The following KYNU variants were observed in gnomAD, a reference collection of about 807,000 sequenced individuals.
KYNU encodes the protein kynureninase, also known as L-kynurenine hydrolase.
In KYNU, 54 loss-of-function variants were observed where a neutral mutation model predicts 59.2. The observed-to-expected ratio is 0.91, with a 90% CI of 0.73 to 1.14. KYNU has a LOEUF of 1.14. Among genes scored for constraint, KYNU ranks in the 50% most tolerant of loss-of-function variants. KYNU has a pLI of 0.00. For synonymous variants in KYNU, 177 were observed against 192.0 expected, an observed-to-expected ratio of 0.92 and a Z score of 0.65; for missense variants, 567 against 554.4, an observed-to-expected ratio of 1.02 and a Z score of -0.23.
At chr2:143,039,216 T>C (rs144818194) in intron 12 of KYNU, among the ~76,000 whole-genome samples, 3 of 152,294 alleles carry the variant, frequency 2.0e-5, no homozygotes, top group East Asian at 1.9e-4. Context: ...TTATTTGCTT[T>C]CCTCTCTGAG....
chr2:142,936,092 AG>A (rs1683382818), intron 4 of KYNU, among the ~76,000 whole-genome samples: 1 of 152,160 alleles, frequency 6.6e-6, no homozygotes, highest in South Asian at 2.1e-4. Flanking sequence ...GGATTGAATG[AG>A]GAAAAAGAGG....
At chr2:142,983,865 C>T (rs1049646032) in intron 8 of KYNU, among the ~76,000 whole-genome samples, 1 of 152,000 alleles carries the variant, frequency 6.6e-6, no homozygotes, top group Non-Finnish European at 1.5e-5. Flanking sequence ...CGTATTAGCA[C>T]CTGACTTAAT....
At chr2:142,970,049 A>T (rs954124959) in intron 8 of KYNU, among the ~76,000 whole-genome samples, 1 of 152,218 alleles carries the variant, frequency 6.6e-6, no homozygotes, top group African/African-American at 2.4e-5. Flanking sequence ...GCTATGTCTC[A>T]TGGCAATAAA....
At chr2:142,887,168 TCAACAA>T (rs78289913) in intron 2 of KYNU, among the ~76,000 whole-genome samples, 2 of 150,462 alleles carry the variant, frequency 1.3e-5, no homozygotes, top group African/African-American at 2.4e-5. Context: ...AGGCTCCATC[TCAACAA>T]CAACAACAAC....
chr2:142,930,630 G>A (rs542328192), intron 4 of KYNU, among the ~76,000 whole-genome samples: 28 of 152,182 alleles, frequency 1.8e-4, no homozygotes, highest in African/African-American at 5.5e-4. Context: ...GTGTACTGGA[G>A]GAAACAGTTC....
At position 143,043,164 on chromosome 2, in the gene KYNU, A is replaced by G. The variant is rs577624558; in HGVS notation, c.*992A>G. On this transcript the variant is annotated 3_prime_UTR_variant, in exon 14 of 14. Transcript: ENST00000264170. Reference sequence around the variant, plus strand: ...CTTCCCCTAATATAAGAGCTTAGATATTATATTACTATGTTTCCATAGTAA... The same window carrying G: ...CTTCCCCTAATATAAGAGCTTAGATGTTATATTACTATGTTTCCATAGTAA... 2.2e-4 allele frequency: 33 copies of G among 152,070 alleles called. No homozygotes were observed. The highest frequency in any genetic ancestry group is 7.5e-4 in the African/African-American group (31 of 41,520). 9.4% of individuals were successfully genotyped at this position (152,070 alleles called of 1,614,324 possible). A position where few individuals can be genotyped will look rare whatever the true frequency, so the allele number is the denominator to read the frequency against.
rs535341574 is a variant in KYNU, at chr2:142,946,289, G to T, written c.374-8521G>T. 3.3e-5 allele frequency among the ~76,000 whole-genome samples: 5 copies of T among 151,920 alleles called. No individual in the cohort carries two copies. The East Asian group carries it at 9.8e-4, about 30-fold the overall frequency. On this transcript the variant is annotated intron_variant, in intron 4 of 13. Coordinates refer to ENST00000264170, the MANE Select transcript of KYNU (RefSeq NM_003937.3). The stretch of plus-strand genomic sequence containing the variant: ...GGTAAAAATGGGGTTTCACCATTTT[G>T]CTCAGGCTGGTCTCAAACTCCTGAG...
chr2:143,014,475 TA>T (rs1198006748), intron 10 of KYNU, among the ~76,000 whole-genome samples: 1 of 152,262 alleles, frequency 6.6e-6, no homozygotes, highest in African/African-American at 2.4e-5. Flanking sequence ...TGCTGGGCTA[TA>T]TGTAACACAT....
At chr2:142,912,330 G>A (rs1682505311) in intron 2 of KYNU, among the ~76,000 whole-genome samples, 1 of 150,264 alleles carries the variant, frequency 6.7e-6, no homozygotes, top group Non-Finnish European at 1.5e-5. Context: ...AGTTTTCATG[G>A]ATAAAGTGTT....
chr2:143,038,541 G>T (rs1173038332), intron 12 of KYNU, among the ~76,000 whole-genome samples: 1 of 152,142 alleles, frequency 6.6e-6, no homozygotes, highest in African/African-American at 2.4e-5. Context: ...TTGTACTGCA[G>T]ATCTCTCTCG....
chr2:142,920,575 C>T (rs902217890), intron 3 of KYNU, among the ~76,000 whole-genome samples: 2 of 152,112 alleles, frequency 1.3e-5, no homozygotes, highest in African/African-American at 4.8e-5. Flanking sequence ...GCACCTCATG[C>T]TCTTCTATTG....
intron 2 of KYNU, among the ~76,000 whole-genome samples, chr2:142,895,807 C>T (rs898939102): frequency 6.6e-6 from 1 of 152,132 alleles, no homozygotes; most frequent in African/African-American, 2.4e-5. Flanking sequence ...ATCTTAGCCT[C>T]CTGAGTAGCC....
At chr2:143,020,728 T>C (rs977798421) in intron 10 of KYNU, among the ~76,000 whole-genome samples, 38 of 152,214 alleles carry the variant, frequency 2.5e-4, no homozygotes, top group African/African-American at 6.8e-4. Flanking sequence ...TCTTGGACTG[T>C]TACTAAAAAG....
At chr2:143,018,331 A>G (rs185572466) in intron 10 of KYNU, among the ~76,000 whole-genome samples, 1 of 152,190 alleles carries the variant, frequency 6.6e-6, no homozygotes, top group Admixed American at 6.5e-5. Context: ...GGTAAAAGGT[A>G]GGGGTCCAGT....
At chr2:142,931,883 G>T (rs950569842) in intron 4 of KYNU, among the ~76,000 whole-genome samples, 1 of 152,192 alleles carries the variant, frequency 6.6e-6, no homozygotes, top group Admixed American at 6.5e-5. Context: ...TGGATGTTCA[G>T]AGTACGAAAT....
intron 2 of KYNU, among the ~76,000 whole-genome samples, chr2:142,896,538 T>C (rs1558906793): frequency 1.3e-5 from 2 of 152,112 alleles, no homozygotes; most frequent in African/African-American, 4.8e-5. Context: ...TGGAGCTTTT[T>C]GTTTTTTTGT....
chr2:142,900,982 G>T (rs1430226113), intron 2 of KYNU, among the ~76,000 whole-genome samples: 1 of 151,756 alleles, frequency 6.6e-6, no homozygotes, highest in African/African-American at 2.4e-5. Flanking sequence ...GATTGCAGCA[G>T]GTGGAGCTTG....
intron 11 of KYNU, among the ~76,000 whole-genome samples, chr2:143,032,147 A>G (rs1293658364): frequency 6.6e-6 from 1 of 152,080 alleles, no homozygotes; most frequent in Non-Finnish European, 1.5e-5. Context: ...GCGTGGTGAC[A>G]GGCACCCGTA....
At chr2:142,924,638 C>T (rs1239324841) in intron 3 of KYNU, among the ~76,000 whole-genome samples, 1 of 152,126 alleles carries the variant, frequency 6.6e-6, no homozygotes, top group African/African-American at 2.4e-5. Context: ...TGAGTAAATA[C>T]TCCTAGTAGA....
Sources: gnomAD v4.1 joint callset for allele counts (sites outside exome capture counted in the v4.1 genomes callset) on GRCh38, gnomAD v4.1.1 for gene constraint, MANE v1.5 for transcripts, NCBI Gene and HGNC (gene_info 2026-07-23, HGNC 2026-07-21) for gene names.